Variants in AUTS2 observed in about 807,000 individuals in gnomAD.
AUTS2 encodes the protein activator of transcription and developmental regulator AUTS2.
In AUTS2, 17 loss-of-function variants were observed where a neutral mutation model predicts 112.4. The ratio of observed to expected loss-of-function variants is 0.15; its 90% CI spans 0.10 to 0.23. The LOEUF (loss-of-function observed/expected upper bound fraction) is 0.23, where lower values mean the gene tolerates loss of function less well. AUTS2 is among the 10% of genes least tolerant of loss of function. AUTS2 has a pLI of 1.00. For synonymous variants in AUTS2, 751 were observed against 702.7 expected, an observed-to-expected ratio of 1.07 and a Z score of -1.09; for missense variants, 1,510 against 1,701.6, an observed-to-expected ratio of 0.89 and a Z score of 1.98.
At chr7:70,342,455 T>C (rs1791310206) in intron 4 of AUTS2, among the ~76,000 whole-genome samples, 1 of 152,034 alleles carries the variant, frequency 6.6e-6, no homozygotes, top group Admixed American at 6.6e-5. Context: ...GGTGACAATA[T>C]TGAATTTCCA....
intron 1 of AUTS2, among the ~76,000 whole-genome samples, chr7:69,760,792 C>T (rs1788154059): frequency 6.6e-6 from 1 of 152,068 alleles, no homozygotes; most frequent in Non-Finnish European, 1.5e-5. Flanking sequence ...TGCACTCCAG[C>T]CTGGGCAAGA....
chr7:70,105,002 TGAA>T (rs1804693119), intron 2 of AUTS2, among the ~76,000 whole-genome samples: 1 of 152,222 alleles, frequency 6.6e-6, no homozygotes, highest in Admixed American at 6.5e-5. Context: ...TTTAGAGGAA[TGAA>T]GGACAGCTTA....
chr7:69,823,080 ATATTGGTACT>A (rs1205491251), intron 1 of AUTS2, among the ~76,000 whole-genome samples: 3 of 152,212 alleles, frequency 2.0e-5, no homozygotes, highest in African/African-American at 7.2e-5. Flanking sequence ...CCTAGCAAGC[ATATTGGTACT>A]TAGCAATGGT....
At chr7:69,876,362 ATATATATATATATATATATATG>A (rs1793771244) in intron 1 of AUTS2, among the ~76,000 whole-genome samples, 2 of 111,680 alleles carry the variant, frequency 1.8e-5, no homozygotes, top group African/African-American at 7.0e-5. Flanking sequence ...ATATATATAT[ATATATATATATATATATATATG>A]TATATATAAT....
At chr7:70,287,812 C>CAA (rs1358356994) in intron 4 of AUTS2, among the ~76,000 whole-genome samples, 3 of 119,282 alleles carry the variant, frequency 2.5e-5, no homozygotes, top group Non-Finnish European at 3.6e-5. Context: ...TATGTCTTCT[C>CAA]AAAAAAAAAA....
chr7:70,734,820 G>A (rs372075422), intron 6 of AUTS2, among the ~76,000 whole-genome samples: 16 of 152,200 alleles, frequency 1.1e-4, no homozygotes, highest in South Asian at 1.0e-3. Flanking sequence ...AAAAATGGAA[G>A]CAACATCTTC....
chr7:70,260,073 A>C (rs1787084263), intron 4 of AUTS2, among the ~76,000 whole-genome samples: 1 of 152,080 alleles, frequency 6.6e-6, no homozygotes, highest in South Asian at 2.1e-4. Flanking sequence ...ACCTAAAACT[A>C]GATAATTTAT....
chr7:70,125,993 T>G (rs2129574144), intron 3 of AUTS2, among the ~76,000 whole-genome samples: 1 of 152,200 alleles, frequency 6.6e-6, no homozygotes, highest in East Asian at 1.9e-4. Flanking sequence ...AGTTGAGACT[T>G]ACTCTCAAGT....
chr7:70,186,519 G>T (rs1809612414), intron 4 of AUTS2, among the ~76,000 whole-genome samples: 1 of 152,148 alleles, frequency 6.6e-6, no homozygotes, highest in African/African-American at 2.4e-5. Context: ...TGCAAAGACA[G>T]ATTATGGTAA....
At chr7:69,947,634 G>A (rs1438971834) in intron 2 of AUTS2, among the ~76,000 whole-genome samples, 1 of 152,042 alleles carries the variant, frequency 6.6e-6, no homozygotes, top group African/African-American at 2.4e-5. Context: ...TATTATCCAA[G>A]TTTCTGTTTC....
intron 2 of AUTS2, among the ~76,000 whole-genome samples, chr7:70,026,622 C>T (rs528476793): frequency 2.6e-4 from 39 of 152,232 alleles, no homozygotes; most frequent in African/African-American, 8.2e-4. Context: ...AGTTTTGTCT[C>T]GACAAGTTGG....
chr7:70,417,862 A>G (rs1383407555), intron 4 of AUTS2, among the ~76,000 whole-genome samples: 6 of 152,098 alleles, frequency 3.9e-5, no homozygotes, highest in African/African-American at 4.8e-5. Context: ...CCGTTTGCCT[A>G]TGCTCCTGTT....
chr7:70,589,988 C>A (rs1802864336), intron 5 of AUTS2, among the ~76,000 whole-genome samples: 1 of 152,136 alleles, frequency 6.6e-6, no homozygotes, highest in South Asian at 2.1e-4. Flanking sequence ...GGAGGGAGAG[C>A]AGTCTGCAGA....
At chr7:70,658,589 G>T (rs1266164279) in intron 5 of AUTS2, among the ~76,000 whole-genome samples, 1 of 152,198 alleles carries the variant, frequency 6.6e-6, no homozygotes, top group Non-Finnish European at 1.5e-5. Flanking sequence ...ATTGCGAGAG[G>T]TACTTCTTTC....
At chr7:70,554,909 G>A (rs1209638982) in intron 5 of AUTS2, among the ~76,000 whole-genome samples, 1 of 152,232 alleles carries the variant, frequency 6.6e-6, no homozygotes, top group Admixed American at 6.5e-5. Flanking sequence ...AGGAGGCCTG[G>A]GTTGAAGCTT....
chr7:70,041,411 A>G (rs1373669727), intron 2 of AUTS2, among the ~76,000 whole-genome samples: 1 of 152,178 alleles, frequency 6.6e-6, no homozygotes, highest in African/African-American at 2.4e-5. Flanking sequence ...TTTCATCCCC[A>G]TGCTTACAAA....
In AUTS2 at chr7:70,408,010, C is replaced by T. The variant is rs542290989; in HGVS notation, c.661-27742C>T. Among the ~76,000 whole-genome samples the T allele has an allele frequency of 1.3e-4, 20 of 149,560 alleles. No homozygotes were observed. The East Asian group carries it at 1.6e-3, about 12-fold the overall frequency. On this transcript the variant is annotated intron_variant, in intron 4 of 18. Coordinates refer to ENST00000342771, the MANE Select transcript of AUTS2 (RefSeq NM_015570.4). ...CAGAGCTTGCAGTGGGCCGAGATCG[C>T]GCCACTGCACTCCAGCCTGGGCGAC...
chr7:70,300,575 C>G (rs1157897181), intron 4 of AUTS2, among the ~76,000 whole-genome samples: 1 of 152,114 alleles, frequency 6.6e-6, no homozygotes, highest in African/African-American at 2.4e-5. Flanking sequence ...AATCCCTTTA[C>G]TAGTACATGT....
At chr7:69,921,061 G>A (rs536175324) in intron 2 of AUTS2, among the ~76,000 whole-genome samples, 2 of 152,296 alleles carry the variant, frequency 1.3e-5, no homozygotes, top group South Asian at 4.1e-4. Context: ...TAGAATTTAT[G>A]AGCTGCCACC....
Sources: gnomAD v4.1 joint callset for allele counts (sites outside exome capture counted in the v4.1 genomes callset) on GRCh38, gnomAD v4.1.1 for gene constraint, MANE v1.5 for transcripts, NCBI Gene and HGNC (gene_info 2026-07-23, HGNC 2026-07-21) for gene names.